RNF213: variants seen among roughly 807,000 people sequenced by gnomAD.
RNF213 encodes the protein ring finger protein 213, also known as E3 ubiquitin-protein ligase RNF213.
In RNF213, 341 loss-of-function variants were observed where a neutral mutation model predicts 514.4. The ratio of observed to expected loss-of-function variants is 0.66; its 90% CI spans 0.61 to 0.73. The LOEUF (loss-of-function observed/expected upper bound fraction) is 0.73. Among genes scored for constraint, RNF213 ranks in the 30% least tolerant of loss-of-function variants. The pLI, the probability that RNF213 is intolerant of heterozygous loss-of-function variation, is 0.00. For missense variants in RNF213, 5,767 were observed against 6,615.6 expected (o/e 0.87, Z 4.45); for synonymous variants, 2,655 against 2,658.2 (o/e 1.00, Z 0.04).
At position 80,389,267 on chromosome 17, in the gene RNF213, T is replaced by C. The variant is rs994892122; in HGVS notation, c.15095T>C (p.Leu5032Pro). ...CEVLSVVEVT[L>P]GFLSTAGGDP... ...GTGCTGTCTGTCGTAGAAGTCACTC[T>C]GGGGTTTCTGAGCACAGCTGGTGGG... Residue 5032 changes from leucine to proline, a missense_variant, in exon 65 of 68, where the codon CTG becomes CCG. Leu to Pro is a moderately conservative substitution (Grantham distance 98). Around this residue, in one of 13 missense-constraint regions of RNF213, gnomAD observed 1,245 missense variants for 1,339.0 expected, o/e 0.93. Coordinates refer to ENST00000582970, the MANE Select transcript of RNF213 (RefSeq NM_001256071.3). 3.7e-6 allele frequency: 6 copies of C among 1,614,096 alleles called. No individual in the cohort carries two copies. Among genetic ancestry groups the C allele is most frequent in the Non-Finnish European group, 5.1e-6 (6 of 1,180,014 alleles).
chr17:80,379,481 C>A, intron 54 of RNF213, 139 bp from the exon 55 acceptor site: 1 of 839,914 alleles, frequency 1.2e-6, no homozygotes, highest in Non-Finnish European at 2.0e-6. Flanking sequence ...TCTCCACCCA[C>A]CCGAAACAAG....
rs1420542364 is a variant in RNF213, at chr17:80,289,660, A to T, written c.935A>T (p.Glu312Val). The T allele has an allele frequency of 6.2e-7, 1 of 1,613,848 alleles. No homozygotes were observed. Among genetic ancestry groups the T allele is most frequent in the East Asian group, 2.2e-5 (1 of 44,878 alleles). ...TCAGGGTTTGGTTCCTTGTTCCAGGAAGCTGAGACCAAGACCAAGGACGAG... is the reference window on the plus strand; with the variant it reads ...TCAGGGTTTGGTTCCTTGTTCCAGGTAGCTGAGACCAAGACCAAGGACGAG... ...TTPPFKTHCQ[E>V]AETKTKDEMA... Residue 312 changes from glutamate to valine, a missense_variant and splice_region_variant, in exon 6 of 68, where the codon GAA becomes GTA. Coordinates refer to ENST00000582970, the MANE Select transcript of RNF213 (RefSeq NM_001256071.3).
At position 80,376,935 on chromosome 17, in the gene RNF213, G is replaced by C; in HGVS notation, c.13482G>C (p.Trp4494Cys). ...PEDLLAQARR[W>C]KGLERVHWYT... ...ACTTGCTGGCTCAAGCTCGGAGGTGGAAGGGTCTGGAGCGAGTCCACTGGT... is the reference window on the plus strand; with the variant it reads ...ACTTGCTGGCTCAAGCTCGGAGGTGCAAGGGTCTGGAGCGAGTCCACTGGT... Residue 4494 changes from tryptophan (W) to cysteine (C), a missense_variant, in exon 53 of 68, where the codon TGG (tryptophan) becomes TGC (cysteine). Coordinates refer to ENST00000582970, the MANE Select transcript of RNF213 (RefSeq NM_001256071.3). The C allele has an allele frequency of 6.2e-7, 1 of 1,614,068 alleles. No individual in the cohort carries two copies. The highest frequency in any genetic ancestry group is 8.5e-7 in the Non-Finnish European group (1 of 1,179,974).
intron 3 of RNF213, among the ~76,000 whole-genome samples, chr17:80,279,263 G>C (rs978768201): frequency 6.6e-6 from 1 of 152,188 alleles, no homozygotes; most frequent in African/African-American, 2.4e-5. Context: ...AGCAACACAG[G>C]CTTCACCACA....
chr17:80,355,353 G>A (rs568964593), intron 36 of RNF213: 44 of 440,360 alleles, frequency 1.0e-4, no homozygotes, highest in African/African-American at 7.5e-4. Context: ...GGGAAGAAGC[G>A]GGGTGAACGG....
intron 20 of RNF213, among the ~76,000 whole-genome samples, chr17:80,331,740 G>A (rs777201420): frequency 6.6e-6 from 1 of 152,164 alleles, no homozygotes; most frequent in Admixed American, 6.5e-5. Flanking sequence ...TTGGAGTGGG[G>A]TTTGGCAAAG....
intron 26 of RNF213, chr17:80,340,560 C>T (rs67262798): frequency 0.044 from 26,194 of 590,528 alleles, 1,730 homozygotes; most frequent in African/African-American, 0.23. Context: ...TCCCTGGGAG[C>T]CCCATTCCCT....
In RNF213 at chr17:80,306,304, G is replaced by A. The variant is rs758649873; in HGVS notation, c.2263G>A (p.Glu755Lys). The A allele has an allele frequency of 8.7e-6, 14 of 1,613,910 alleles. No individual in the cohort carries two copies. Among genetic ancestry groups the A allele is most frequent in the Admixed American group, 5.0e-5 (3 of 59,984 alleles). ...GAAGCAGCATTTGCTGAGCATAGAC[G>A]AGCCTCTCTTCCGGTCCTGGTTTAG... ...REKQHLLSID[E>K]PLFRSWFSLL... Residue 755 changes from glutamate to lysine, a missense_variant, in exon 12 of 68, where the codon GAG becomes AAG. By Grantham distance (56) the Glu-to-Lys change is moderately conservative. Transcript: ENST00000582970.
chr17:80,288,216 C>T lies in RNF213; in HGVS notation c.663C>T (p.Thr221=), dbSNP rs749053371. The T allele has an allele frequency of 7.4e-6, 12 of 1,613,106 alleles. No individual in the cohort carries two copies. Among genetic ancestry groups the T allele is most frequent in the South Asian group, 4.4e-5 (4 of 91,078 alleles). Residue 221 remains threonine (T), a synonymous_variant, in exon 4 of 68, where the codon ACC becomes ACT. Coordinates refer to ENST00000582970, the MANE Select transcript of RNF213 (RefSeq NM_001256071.3). The surrounding 1 kb of genome is among the most constrained non-coding windows in gnomAD (Gnocchi z 4.9). ...SGGRGLSQEG[T]GPPTSAGEGH... The stretch of plus-strand genomic sequence containing the variant: ...GCAGAGGCCTGTCCCAGGAGGGGAC[C>T]GGTCCCCCCACCTCTGCTGGTGAAG...
In RNF213 at chr17:80,394,309, C is replaced by A. The variant is rs951030162; in HGVS notation, c.*811C>A. The A allele has an allele frequency of 6.6e-6, 1 of 152,180 alleles. No homozygotes were observed. Among genetic ancestry groups the A allele is most frequent in the Non-Finnish European group, 1.5e-5 (1 of 68,034 alleles). 9.4% of individuals were successfully genotyped at this position (152,180 alleles called of 1,614,324 possible). A position where few individuals can be genotyped will look rare whatever the true frequency, so the allele number is the denominator to read the frequency against. ...CAGGCCTGGTTCTGGCAGTTCTTTG[C>A]GGACTTTTTTCTAGCATTATGCCAA... On this transcript the variant is annotated 3_prime_UTR_variant, in exon 68 of 68. Transcript: ENST00000582970.
At chr17:80,262,107 C>T (rs1240813393) in intron 1 of RNF213, among the ~76,000 whole-genome samples, 1 of 152,000 alleles carries the variant, frequency 6.6e-6, no homozygotes, top group African/African-American at 2.4e-5. Context: ...AAGAAAGAGG[C>T]CTGGGCGGTG....
At chr17:80,325,867 A>C (rs949621678) in intron 18 of RNF213, among the ~76,000 whole-genome samples, 2 of 152,206 alleles carry the variant, frequency 1.3e-5, no homozygotes, top group African/African-American at 4.8e-5. Flanking sequence ...GTGGGGATCA[A>C]ATAACTGAAT....
In RNF213 at chr17:80,396,494, A is replaced by T. The variant is rs2080663823; in HGVS notation, c.*2996A>T. 1 of 152,204 alleles carries T rather than the reference A, an allele frequency of 6.6e-6. No homozygotes were observed. The highest frequency in any genetic ancestry group is 2.4e-5 in the African/African-American group (1 of 41,456). 9.4% of individuals were successfully genotyped at this position (152,204 alleles called of 1,614,324 possible). Reference sequence around the variant, plus strand: ...CCCAAGTCTAGCCATGCACACAGGCACTAGTGTGCTGAAGGAAAACACCTC... The same window carrying T: ...CCCAAGTCTAGCCATGCACACAGGCTCTAGTGTGCTGAAGGAAAACACCTC... On this transcript the variant is annotated 3_prime_UTR_variant, in exon 68 of 68. Coordinates refer to ENST00000582970, the MANE Select transcript of RNF213 (RefSeq NM_001256071.3).
chr17:80,393,721 T>G lies in RNF213; in HGVS notation c.*223T>G. The G allele has an allele frequency of 5.6e-6, 3 of 534,952 alleles. No individual in the cohort carries two copies. Among genetic ancestry groups the G allele is most frequent in the South Asian group, 4.1e-5 (2 of 49,058 alleles). 33.1% of individuals were successfully genotyped at this position (534,952 alleles called of 1,614,324 possible). On this transcript the variant is annotated 3_prime_UTR_variant, in exon 68 of 68. Coordinates refer to ENST00000582970, the MANE Select transcript of RNF213 (RefSeq NM_001256071.3). ...ACATGTTCTGAAACTTTCTCATCAT[T>G]TTATGAGTACTGTTCATTGAGAGAT...
chr17:80,383,370 GAAAT>G (rs1037827232), intron 58 of RNF213, among the ~76,000 whole-genome samples: 4 of 152,162 alleles, frequency 2.6e-5, no homozygotes, highest in Non-Finnish European at 4.4e-5. Flanking sequence ...ACGAGGTAGA[GAAAT>G]AAACTATCAC....
chr17:80,307,309 C>A, intron 13 of RNF213, 108 bp downstream of exon 13: 478 of 724,542 alleles, frequency 6.6e-4, no homozygotes, highest in East Asian at 9.5e-4. Context: ...ACAGCAAGGT[C>A]ATAAATTAAT....
At chr17:80,297,545 G>A (rs112032495) in intron 10 of RNF213, among the ~76,000 whole-genome samples, 1,989 of 151,190 alleles carry the variant, frequency 0.013, 27 homozygotes, top group Non-Finnish European at 0.021. Flanking sequence ...GCTTGAGCCA[G>A]GAGTTCAGGA....
chr17:80,273,721 G>T (rs1321717981), intron 3 of RNF213, among the ~76,000 whole-genome samples: 1 of 148,696 alleles, frequency 6.7e-6, no homozygotes. Flanking sequence ...CTGGTTTCAA[G>T]CAATTCTCCT....
rs1233672047 is a variant in RNF213, at chr17:80,290,638, A to G, written c.1181A>G (p.Asn394Ser). The G allele has an allele frequency of 6.2e-7, 1 of 1,614,022 alleles. No individual in the cohort carries two copies. Residue 394 changes from asparagine to serine, a missense_variant, in exon 7 of 68, where the codon AAT (asparagine) becomes AGT (serine). Asn to Ser is a conservative substitution (Grantham distance 46). This residue lies in a region of RNF213 where 509 missense variants were observed against 496.7 expected (regional missense o/e 1.02). Transcript: ENST00000582970. ...HAIISLHFPF[N>S]PDLHKVFIRG... ...ATCATCTCTCTTCATTTCCCATTCA[A>G]TCCTGACCTCCATAAAGTCTTCATC...
Sources: gnomAD v4.1 joint callset for allele counts (sites outside exome capture counted in the v4.1 genomes callset) on GRCh38, gnomAD v4.1.1 for gene constraint, gnomAD v4.1.1 regional missense constraint, Gnocchi (gnomAD v3.1) non-coding constraint, MANE v1.5 for transcripts, NCBI Gene and HGNC (gene_info 2026-07-23, HGNC 2026-07-21) for gene names.